The following GRIK2 variants were observed in gnomAD, a reference collection of about 807,000 sequenced individuals.
GRIK2 encodes glutamate ionotropic receptor kainate type subunit 2.
Under a neutral mutation model 100.3 loss-of-function variants are expected in GRIK2, and 32 were observed. The ratio of observed to expected loss-of-function variants is 0.32; its 90% confidence interval spans 0.24 to 0.43. GRIK2 has a LOEUF of 0.43. Among genes scored for constraint, GRIK2 ranks in the 20% least tolerant of loss-of-function variants. GRIK2 has a pLI of 1.00. For missense variants in GRIK2, 843 were observed against 1,114.9 expected, an observed-to-expected ratio of 0.76 and a Z score of 3.47; for synonymous variants, 417 against 389.4, an observed-to-expected ratio of 1.07 and a Z score of -0.83.
chr6:102,011,433 CT>C (rs1192805210), intron 14 of GRIK2, among the ~76,000 whole-genome samples: 1 of 151,868 alleles, frequency 6.6e-6, no homozygotes, highest in Non-Finnish European at 1.5e-5. Flanking sequence ...GTTAATAGTT[CT>C]TTATTGGAAG....
chr6:101,542,197 T>A (rs1325306252), intron 2 of GRIK2, among the ~76,000 whole-genome samples: 1 of 151,924 alleles, frequency 6.6e-6, no homozygotes, highest in Non-Finnish European at 1.5e-5. Context: ...GTAGAACTAA[T>A]CATAGTTTAT....
At chr6:101,990,225 A>G (rs1244881288) in intron 14 of GRIK2, among the ~76,000 whole-genome samples, 1 of 151,680 alleles carries the variant, frequency 6.6e-6, no homozygotes, top group Non-Finnish European at 1.5e-5. Flanking sequence ...TAGCCACTTT[A>G]CAGGCATTTT....
intron 3 of GRIK2, among the ~76,000 whole-genome samples, chr6:101,625,351 C>T (rs191005880): frequency 4.9e-4 from 74 of 151,316 alleles, no homozygotes; most frequent in Middle Eastern, 3.4e-3. Flanking sequence ...CAAGCCTGGG[C>T]GACAGACTGA....
intron 7 of GRIK2, among the ~76,000 whole-genome samples, chr6:101,788,104 A>G (rs1309498869): frequency 6.6e-6 from 1 of 152,070 alleles, no homozygotes; most frequent in Non-Finnish European, 1.5e-5. Context: ...TGATATAAGT[A>G]TAGCTATTCC....
chr6:101,532,758 A>G (rs940399354), intron 2 of GRIK2, among the ~76,000 whole-genome samples: 1 of 151,784 alleles, frequency 6.6e-6, no homozygotes, highest in Non-Finnish European at 1.5e-5. Context: ...TCCTAAAGAG[A>G]TCTTAGAAGA....
At chr6:101,541,403 C>T (rs933028782) in intron 2 of GRIK2, among the ~76,000 whole-genome samples, 4 of 148,814 alleles carry the variant, frequency 2.7e-5, no homozygotes, top group African/African-American at 7.5e-5. Flanking sequence ...CACACACACA[C>T]ACACACACAC....
At chr6:101,760,442 T>G (rs1175994703) in intron 7 of GRIK2, among the ~76,000 whole-genome samples, 11 of 9,100 alleles carry the variant, frequency 1.2e-3, no homozygotes, top group Admixed American at 4.1e-3. Flanking sequence ...AATTATATAT[T>G]TATTATATAT....
At chr6:101,516,008 G>A (rs1422600526) in intron 2 of GRIK2, among the ~76,000 whole-genome samples, 17 of 152,022 alleles carry the variant, frequency 1.1e-4, no homozygotes, top group Admixed American at 1.1e-3. Context: ...ATGTCTGCAA[G>A]GGTTTTTTCA....
chr6:101,523,454 A>G (rs1333276361), intron 2 of GRIK2, among the ~76,000 whole-genome samples: 2 of 152,158 alleles, frequency 1.3e-5, no homozygotes, highest in African/African-American at 4.8e-5. Context: ...AGGGATACAC[A>G]CTGGGACTAT....
At chr6:101,896,403 G>T (rs1488856529) in intron 12 of GRIK2, among the ~76,000 whole-genome samples, 1 of 151,724 alleles carries the variant, frequency 6.6e-6, no homozygotes, top group Non-Finnish European at 1.5e-5. Context: ...AGAAAAAATT[G>T]AGTAAGACAA....
intron 2 of GRIK2, among the ~76,000 whole-genome samples, chr6:101,606,575 C>A (rs1779445626): frequency 6.6e-6 from 1 of 151,960 alleles, no homozygotes; most frequent in Admixed American, 6.6e-5. Flanking sequence ...GTTCAGTTGG[C>A]TAATAATAGC....
At chr6:101,507,939 A>C (rs1453467509) in intron 2 of GRIK2, among the ~76,000 whole-genome samples, 1 of 152,202 alleles carries the variant, frequency 6.6e-6, no homozygotes, top group Non-Finnish European at 1.5e-5. Context: ...GGATGCATCA[A>C]ATACTATATA....
chr6:101,881,109 A>G (rs141691407), intron 11 of GRIK2, among the ~76,000 whole-genome samples: 4 of 152,062 alleles, frequency 2.6e-5, no homozygotes, highest in African/African-American at 9.6e-5. Flanking sequence ...CTTAAATTTA[A>G]TAACCATAAA....
intron 2 of GRIK2, among the ~76,000 whole-genome samples, chr6:101,559,587 G>C (rs993379645): frequency 9.9e-5 from 15 of 152,202 alleles, no homozygotes; most frequent in African/African-American, 3.6e-4. Context: ...TTTACAATCA[G>C]CTACTCCCAA....
At position 101,646,920 on chromosome 6, in the gene GRIK2, A is replaced by T. The variant is rs142651715; in HGVS notation, c.541+20283A>T. 1.6e-3 allele frequency among the ~76,000 whole-genome samples: 242 copies of T among 152,110 alleles called. 1 individual carries two copies. Among genetic ancestry groups the T allele is most frequent in the Middle Eastern group, 0.01 (3 of 294 alleles). On this transcript the variant is annotated intron_variant, in intron 4 of 16. Transcript: ENST00000369134. Reference sequence around the variant, plus strand: ...GAGAGACAAGAAAGAGATATAAAACATGAGAGGTAAACATAATAATCATCA... The same window carrying T: ...GAGAGACAAGAAAGAGATATAAAACTTGAGAGGTAAACATAATAATCATCA...
chr6:101,732,326 T>A (rs1211462876), intron 7 of GRIK2, among the ~76,000 whole-genome samples: 4 of 152,044 alleles, frequency 2.6e-5, no homozygotes, highest in Non-Finnish European at 5.9e-5. Context: ...GGAAATGATA[T>A]TTTTAAAAAA....
chr6:101,775,523 G>GTA (rs1361727551), intron 7 of GRIK2, among the ~76,000 whole-genome samples: 3 of 2,948 alleles, frequency 1.0e-3, no homozygotes, highest in African/African-American at 1.5e-3. Flanking sequence ...ATATATGTGT[G>GTA]TATATATATG....
intron 2 of GRIK2, among the ~76,000 whole-genome samples, chr6:101,439,641 A>G (rs917601423): frequency 6.6e-6 from 1 of 152,120 alleles, no homozygotes; most frequent in Non-Finnish European, 1.5e-5. Flanking sequence ...TCCTTAATGA[A>G]AGCCATCATT....
chr6:101,685,315 A>G (rs1270766008), intron 6 of GRIK2, among the ~76,000 whole-genome samples: 1 of 152,102 alleles, frequency 6.6e-6, no homozygotes, highest in African/African-American at 2.4e-5. Context: ...CTTTCCACTG[A>G]ATTGTATTCT....
Sources: gnomAD v4.1 joint callset for allele counts (sites outside exome capture counted in the v4.1 genomes callset) on GRCh38, gnomAD v4.1.1 for gene constraint, MANE v1.5 for transcripts, NCBI Gene and HGNC (gene_info 2026-07-23, HGNC 2026-07-21) for gene names.